Variants in FAAH2 observed in about 807,000 individuals in gnomAD.
FAAH2 encodes the protein fatty acid amide hydrolase 2.
In FAAH2, 60 loss-of-function variants were observed where a neutral mutation model predicts 36.9. The observed-to-expected ratio is 1.63, with a 90% CI of 1.32 to 2.02. The LOEUF (loss-of-function observed/expected upper bound fraction) is 2.02, where lower values mean the gene tolerates loss of function less well. Ranked by LOEUF, FAAH2 falls within the 30% of genes most tolerant of loss-of-function variation. The probability of loss-of-function intolerance (pLI) is 0.00; values close to 1 mark genes in which losing one functional copy is unlikely to be tolerated. For missense variants in FAAH2, 689 were observed against 397.5 expected, an observed-to-expected ratio of 1.73 and a Z score of -6.23; for synonymous variants, 214 against 143.8, an observed-to-expected ratio of 1.49 and a Z score of -3.49.
chrX:57,440,552 G>T (rs1028591273), intron 8 of FAAH2, among the ~76,000 whole-genome samples: 13 of 111,279 alleles, frequency 1.2e-4, no homozygotes, highest in African/African-American at 4.3e-4. Flanking sequence ...TGCAAACAGG[G>T]ACAATTTGAC....
the FAAH2 span, among the ~76,000 whole-genome samples, chrX:57,268,166 T>A: frequency 2.5e-4 from 28 of 111,883 alleles, no homozygotes; most frequent in Non-Finnish European, 5.3e-4. Context: ...ACCAACCTGA[T>A]AGAGCTGAAA....
intron 7 of FAAH2, among the ~76,000 whole-genome samples, chrX:57,398,187 A>G (rs1254827335): frequency 8.9e-6 from 1 of 112,390 alleles, no homozygotes; most frequent in Non-Finnish European, 1.9e-5. Flanking sequence ...GCTGCTATAA[A>G]GACACATGCA....
the FAAH2 span, among the ~76,000 whole-genome samples, chrX:57,200,511 T>C: frequency 2.7e-5 from 3 of 109,479 alleles, no homozygotes; most frequent in Non-Finnish European, 5.7e-5. Context: ...CCCGAATAGC[T>C]GGAATTACAG....
intron 7 of FAAH2, among the ~76,000 whole-genome samples, chrX:57,427,048 G>T (rs943253774): frequency 9.0e-6 from 1 of 111,069 alleles, no homozygotes; most frequent in African/African-American, 3.3e-5. Context: ...AATTGGAAAT[G>T]AAAAAGGAGG....
At chrX:57,461,261 G>A (rs1255619076) in intron 10 of FAAH2, among the ~76,000 whole-genome samples, 1 of 111,343 alleles carries the variant, frequency 9.0e-6, no homozygotes, top group Non-Finnish European at 1.9e-5. Context: ...CAGAAATGTA[G>A]CAAGGATATT....
At chrX:57,248,771 A>C in the FAAH2 span, among the ~76,000 whole-genome samples, 1 of 102,164 alleles carries the variant, frequency 9.8e-6, no homozygotes, top group Non-Finnish European at 2.0e-5. Context: ...AAAAAAAAAA[A>C]AAAAAAAAAT....
chrX:57,459,095 G>A (rs1285084837), intron 10 of FAAH2, among the ~76,000 whole-genome samples: 2 of 112,537 alleles, frequency 1.8e-5, no homozygotes, highest in Admixed American at 1.9e-4. Context: ...AATTCTCACA[G>A]CCAGCACAGT....
the FAAH2 span, among the ~76,000 whole-genome samples, chrX:57,219,811 A>C: frequency 8.1e-4 from 86 of 106,524 alleles, no homozygotes; most frequent in African/African-American, 2.9e-3. Flanking sequence ...GCCTCATAAA[A>C]AAACCTGCAA....
chrX:57,158,846 T>G, the FAAH2 span, among the ~76,000 whole-genome samples: 1 of 112,077 alleles, frequency 8.9e-6, no homozygotes, highest in Non-Finnish European at 1.9e-5. Flanking sequence ...CTCTTTAGTT[T>G]AATTAGATCC....
At chrX:57,401,652 T>G (rs1457299377) in intron 7 of FAAH2, among the ~76,000 whole-genome samples, 1 of 111,443 alleles carries the variant, frequency 9.0e-6, no homozygotes, top group Non-Finnish European at 1.9e-5. Context: ...GAATCCTTGT[T>G]GGGCTTCGGG....
chrX:57,226,348 T>C, the FAAH2 span, among the ~76,000 whole-genome samples: 30 of 112,275 alleles, frequency 2.7e-4, no homozygotes, highest in Non-Finnish European at 4.9e-4. Flanking sequence ...GGCTTTGTAA[T>C]GGTGAATTCT....
the FAAH2 span, among the ~76,000 whole-genome samples, chrX:57,270,355 T>G: frequency 9.0e-6 from 1 of 111,684 alleles, no homozygotes; most frequent in African/African-American, 3.3e-5. Context: ...GACGCCTCCT[T>G]AATTCATTCT....
At position 57,489,173 on chromosome X, in the gene FAAH2, A is replaced by T. The variant is rs765553045; in HGVS notation, c.*241A>T. 1.2e-5 allele frequency: 4 copies of T among 326,678 alleles called. No homozygotes were observed. The South Asian group carries it at 4.2e-4, about 34-fold the overall frequency. The allele number at this position is 326,678 out of a possible 1,213,427, so 26.9% of individuals were successfully genotyped here. On this transcript the variant is annotated 3_prime_UTR_variant, in exon 11 of 11. Transcript: ENST00000374900. Reference sequence around the variant, plus strand: ...TTAGGACATGTAAATGGATAAGTGCAATAAAGTTTCCTAAATGCTGGAATC... The same window carrying T: ...TTAGGACATGTAAATGGATAAGTGCTATAAAGTTTCCTAAATGCTGGAATC...
chrX:57,483,883 TCCA>T (rs2057426136), intron 10 of FAAH2, among the ~76,000 whole-genome samples: 1 of 96,397 alleles, frequency 1.0e-5, no homozygotes, highest in Admixed American at 1.3e-4. Flanking sequence ...CACCACAAGC[TCCA>T]CCTCCCGAGT....
chrX:57,346,931 C>T (rs983313152), intron 5 of FAAH2, among the ~76,000 whole-genome samples: 4 of 111,428 alleles, frequency 3.6e-5, no homozygotes, highest in African/African-American at 1.3e-4. Flanking sequence ...GAGAGGTGTG[C>T]TGCTATCCTG....
chrX:57,356,679 G>A (rs901906487), intron 5 of FAAH2, among the ~76,000 whole-genome samples: 1 of 110,076 alleles, frequency 9.1e-6, no homozygotes, highest in African/African-American at 3.3e-5. Context: ...TGTCAATTTT[G>A]TTGATATCTT....
chrX:57,399,191 T>C (rs773184796), intron 7 of FAAH2, among the ~76,000 whole-genome samples: 1 of 111,602 alleles, frequency 9.0e-6, no homozygotes, highest in South Asian at 3.8e-4. Flanking sequence ...GAAATGTGTG[T>C]CCTGGCAGTG....
the FAAH2 span, among the ~76,000 whole-genome samples, chrX:57,232,426 G>T: frequency 8.9e-6 from 1 of 112,140 alleles, no homozygotes; most frequent in Non-Finnish European, 1.9e-5. Context: ...TACACAAAGT[G>T]CCAGTCAGCC....
At chrX:57,221,959 C>T in the FAAH2 span, among the ~76,000 whole-genome samples, 1 of 110,396 alleles carries the variant, frequency 9.1e-6, no homozygotes, top group African/African-American at 3.3e-5. Context: ...TCCTGTGTAG[C>T]CCCTCTCAAA....
Sources: gnomAD v4.1 joint callset for allele counts (sites outside exome capture counted in the v4.1 genomes callset) on GRCh38, gnomAD v4.1.1 for gene constraint, MANE v1.5 for transcripts, NCBI Gene and HGNC (gene_info 2026-07-23, HGNC 2026-07-21) for gene names.